Variants in GABRG3 observed in about 807,000 individuals in gnomAD.
The protein encoded by GABRG3 is gamma-aminobutyric acid receptor subunit gamma-3.
GABRG3 carries 25 observed loss-of-function variants against 48.8 expected under a neutral mutation model. That is an observed-to-expected ratio of 0.51 (90% CI 0.37 to 0.72). The LOEUF (loss-of-function observed/expected upper bound fraction) is 0.72, where lower values mean the gene tolerates loss of function less well. GABRG3 is among the 30% of genes least tolerant of loss of function. GABRG3 has a pLI of 0.00. For synonymous variants in GABRG3, 227 were observed against 217.6 expected (o/e 1.04, Z -0.38); for missense variants, 394 against 577.9 (o/e 0.68, Z 3.26).
intron 5 of GABRG3, among the ~76,000 whole-genome samples, chr15:27,330,852 C>T (rs113352014): frequency 0.03 from 4,527 of 152,136 alleles, 235 homozygotes; most frequent in African/African-American, 0.1. Context: ...TCTGGTGTGT[C>T]GTGGTAGTGA....
At chr15:27,021,504 TGTTAA>T (rs1895893680) in intron 2 of GABRG3, among the ~76,000 whole-genome samples, 1 of 152,102 alleles carries the variant, frequency 6.6e-6, no homozygotes, top group Admixed American at 6.5e-5. Flanking sequence ...CACTACTGTA[TGTTAA>T]GTTAATTTCC....
chr15:27,012,099 C>A (rs1206306634), intron 2 of GABRG3, among the ~76,000 whole-genome samples: 2 of 152,032 alleles, frequency 1.3e-5, no homozygotes, highest in Non-Finnish European at 2.9e-5. Context: ...TACTGCAGAT[C>A]AGATGGAGAT....
rs112746937 is a variant in GABRG3 at position 27,266,910 on chromosome 15, T to C, written c.271-59899T>C. Among the ~76,000 whole-genome samples, 54 of 152,284 alleles carry C rather than the reference T, an allele frequency of 3.5e-4. 1 individual carries two copies. The highest frequency in any genetic ancestry group is 1.2e-3 in the African/African-American group (50 of 41,568). ...TTTGCTAATACCTTTCTTTATAGTTTGCATAAGTAATTATATCATCTATGA... is the reference window on the plus strand; with the variant it reads ...TTTGCTAATACCTTTCTTTATAGTTCGCATAAGTAATTATATCATCTATGA... On this transcript the variant is annotated intron_variant, in intron 3 of 9. Coordinates refer to ENST00000615808, the MANE Select transcript of GABRG3 (RefSeq NM_033223.5).
chr15:27,070,917 C>T (rs986937886), intron 3 of GABRG3, among the ~76,000 whole-genome samples: 6 of 152,318 alleles, frequency 3.9e-5, no homozygotes, highest in African/African-American at 1.2e-4. Context: ...AACCCAGCTC[C>T]GCTTTGCAGG....
intron 3 of GABRG3, among the ~76,000 whole-genome samples, chr15:27,227,457 C>T (rs1297634194): frequency 2.0e-5 from 3 of 151,994 alleles, no homozygotes; most frequent in Non-Finnish European, 4.4e-5. Flanking sequence ...CATGATAGTG[C>T]CAGTGCACTG....
At chr15:27,009,280 G>A (rs1285657274) in intron 2 of GABRG3, among the ~76,000 whole-genome samples, 2 of 152,148 alleles carry the variant, frequency 1.3e-5, no homozygotes, top group Non-Finnish European at 2.9e-5. Context: ...TTGGTCTTGG[G>A]AATCTTTTTG....
intron 3 of GABRG3, among the ~76,000 whole-genome samples, chr15:27,046,128 T>C (rs1222875299): frequency 6.6e-6 from 1 of 152,122 alleles, no homozygotes; most frequent in Non-Finnish European, 1.5e-5. Context: ...AGTTTCACTC[T>C]TGTTGCCGAG....
At chr15:27,377,606 A>G (rs1359934579) in intron 5 of GABRG3, among the ~76,000 whole-genome samples, 5 of 149,206 alleles carry the variant, frequency 3.4e-5, no homozygotes, top group Admixed American at 2.0e-4. Flanking sequence ...CTTATTCACT[A>G]TCACAAGAAC....
intron 3 of GABRG3, among the ~76,000 whole-genome samples, chr15:27,043,874 G>A (rs1018077694): frequency 3.9e-5 from 6 of 152,168 alleles, no homozygotes; most frequent in African/African-American, 7.2e-5. Flanking sequence ...CAGTCCTCCC[G>A]AGGCTGGGCC....
At chr15:27,296,744 G>T (rs866716993) in intron 3 of GABRG3, among the ~76,000 whole-genome samples, 2 of 151,948 alleles carry the variant, frequency 1.3e-5, no homozygotes, top group East Asian at 1.9e-4. Flanking sequence ...GGGCAATTAT[G>T]CACAGTACCT....
rs963631576 is a variant in GABRG3 at position 27,539,966 on chromosome 15, A to G, written c.*7085A>G. The G allele has an allele frequency of 2.6e-5, 4 of 152,244 alleles. No homozygotes were observed. The highest frequency in any genetic ancestry group is 6.5e-5 in the Admixed American group (1 of 15,284). The allele number at this position is 152,244 out of a possible 1,614,324, so 9.4% of individuals were successfully genotyped here. On this transcript the variant is annotated 3_prime_UTR_variant, in exon 10 of 10. Coordinates refer to ENST00000615808, the MANE Select transcript of GABRG3 (RefSeq NM_033223.5). ...GATGAAGTACATCTACATCATAACC[A>G]TCATCACCCTCATTGTCCTCTTCCA...
chr15:27,403,295 C>G (rs2140589690), intron 5 of GABRG3, among the ~76,000 whole-genome samples: 1 of 151,990 alleles, frequency 6.6e-6, no homozygotes, highest in South Asian at 2.1e-4. Context: ...TACCAAAGAG[C>G]CAGGCATATG....
chr15:27,213,220 C>T (rs1303126879), intron 3 of GABRG3, among the ~76,000 whole-genome samples: 1 of 152,212 alleles, frequency 6.6e-6, no homozygotes, highest in Non-Finnish European at 1.5e-5. Flanking sequence ...GGACAAGAGA[C>T]AACTAGTCAC....
chr15:27,508,999 T>A (rs1263263391), intron 6 of GABRG3, among the ~76,000 whole-genome samples: 3 of 152,138 alleles, frequency 2.0e-5, no homozygotes, highest in Non-Finnish European at 4.4e-5. Context: ...GATTATAGGC[T>A]TGAGCCACCG....
intron 2 of GABRG3, among the ~76,000 whole-genome samples, chr15:27,011,400 C>T (rs1895684113): frequency 6.6e-6 from 1 of 152,124 alleles, no homozygotes; most frequent in Non-Finnish European, 1.5e-5. Flanking sequence ...TATTCCTGGC[C>T]TTTCAATACA....
chr15:27,529,190 G>C (rs903683589), intron 9 of GABRG3, among the ~76,000 whole-genome samples: 101 of 152,024 alleles, frequency 6.6e-4, no homozygotes, highest in African/African-American at 2.4e-3. Context: ...ATTAAAGTGT[G>C]GATAAATTAA....
At chr15:27,487,738 A>G (rs1890254381) in intron 6 of GABRG3, among the ~76,000 whole-genome samples, 1 of 152,228 alleles carries the variant, frequency 6.6e-6, no homozygotes, top group Non-Finnish European at 1.5e-5. Flanking sequence ...AAAGTCTTAA[A>G]TCTGTACCAT....
chr15:27,516,602 A>C (rs1341599675), intron 6 of GABRG3, among the ~76,000 whole-genome samples: 1 of 152,160 alleles, frequency 6.6e-6, no homozygotes, highest in African/African-American at 2.4e-5. Flanking sequence ...GGTTTTATTT[A>C]TCTGATTCTG....
At position 27,329,300 on chromosome 15, in the gene GABRG3, G is replaced by A. The variant is rs548881165; in HGVS notation, c.574+412G>A. ...TTTATTGAAACTGAGTTTTGCTCTC[G>A]TCGCCCAGGCTGGAGTGCAGTAGCA... On this transcript the variant is annotated intron_variant, in intron 5 of 9. Coordinates refer to ENST00000615808, the MANE Select transcript of GABRG3 (RefSeq NM_033223.5). 3.3e-5 allele frequency among the ~76,000 whole-genome samples: 5 copies of A among 151,788 alleles called. No homozygotes were observed. The South Asian group carries it at 6.2e-4, about 19-fold the overall frequency.
Sources: allele counts gnomAD v4.1 joint callset (sites outside exome capture counted in the v4.1 genomes callset), GRCh38; gene constraint gnomAD v4.1.1; transcripts MANE v1.5; gene names NCBI Gene and HGNC (gene_info 2026-07-23, HGNC 2026-07-21).